Variants in PLD5 observed in about 807,000 individuals in gnomAD.
The protein encoded by PLD5 is inactive phospholipase D5.
A neutral mutation model predicts 61.1 loss-of-function variants in PLD5; 36 were observed. That is an observed-to-expected ratio of 0.59 (90% CI 0.45 to 0.78). The LOEUF (loss-of-function observed/expected upper bound fraction) is 0.78. Among genes scored for constraint, PLD5 ranks in the 30% least tolerant of loss-of-function variants. The pLI is 0.00. For synonymous variants in PLD5, 243 were observed against 242.8 expected, an observed-to-expected ratio of 1.00 and a Z score of -0.01; for missense variants, 515 against 644.4, an observed-to-expected ratio of 0.80 and a Z score of 2.17.
chr1:242,473,014 A>G (rs1012833159), intron 1 of PLD5, among the ~76,000 whole-genome samples: 2 of 152,210 alleles, frequency 1.3e-5, no homozygotes, highest in African/African-American at 2.4e-5. Flanking sequence ...AAAAGGACAC[A>G]TAAAAACAGA....
At chr1:242,200,448 C>T (rs762394033) in intron 5 of PLD5, among the ~76,000 whole-genome samples, 2 of 152,126 alleles carry the variant, frequency 1.3e-5, no homozygotes, top group Admixed American at 1.3e-4. Context: ...AGCTTTGAGA[C>T]GTCTTGGATG....
intron 8 of PLD5, among the ~76,000 whole-genome samples, chr1:242,103,188 A>C (rs1230507207): frequency 1.3e-5 from 2 of 152,134 alleles, no homozygotes; most frequent in African/African-American, 4.8e-5. Context: ...GGCTCCTCTG[A>C]GTGCGAGTGT....
intron 3 of PLD5, among the ~76,000 whole-genome samples, chr1:242,271,502 T>C (rs1328562681): frequency 6.6e-6 from 1 of 152,082 alleles, no homozygotes; most frequent in Non-Finnish European, 1.5e-5. Context: ...AAAACAATAG[T>C]TACCCATCAA....
chr1:242,451,989 T>C (rs1194175269), intron 1 of PLD5, among the ~76,000 whole-genome samples: 2 of 152,140 alleles, frequency 1.3e-5, no homozygotes, highest in Admixed American at 1.3e-4. Flanking sequence ...GGATGGTTTT[T>C]ATTGTTGTCC....
intron 1 of PLD5, among the ~76,000 whole-genome samples, chr1:242,453,036 G>A (rs890627640): frequency 3.9e-5 from 6 of 152,308 alleles, no homozygotes; most frequent in East Asian, 3.9e-4. Context: ...CAAATTTCAC[G>A]ATTGTCAGAA....
intron 2 of PLD5, among the ~76,000 whole-genome samples, chr1:242,335,389 G>A (rs1207021843): frequency 1.3e-5 from 2 of 152,114 alleles, no homozygotes; most frequent in Non-Finnish European, 2.9e-5. Context: ...TCCAAAAACT[G>A]GTCATCTGTC....
intron 9 of PLD5, among the ~76,000 whole-genome samples, chr1:242,094,162 G>GAAT: frequency 6.6e-6 from 1 of 151,616 alleles, no homozygotes; most frequent in East Asian, 1.9e-4. Flanking sequence ...TTCCAAAAAT[G>GAAT]CATGCTGAGG....
Position 242,088,456 on chromosome 1 carries a change from T to A in PLD5, c.*1398A>T, listed in dbSNP as rs1410646691. The A allele has an allele frequency of 2.0e-5, 3 of 152,240 alleles. No homozygotes were observed. Among genetic ancestry groups the A allele is most frequent in the African/African-American group, 7.2e-5 (3 of 41,470 alleles). The allele number at this position is 152,240 out of a possible 1,614,324, so 9.4% of individuals were successfully genotyped here. A position where few individuals can be genotyped will look rare whatever the true frequency, so the allele number is the denominator to read the frequency against. On this transcript the variant is annotated 3_prime_UTR_variant, in exon 10 of 10. Transcript: ENST00000536534. The stretch of plus-strand genomic sequence containing the variant: ...TATATATTATAATGCTTAGCATTTA[T>A]ATAGGTTCTTTTGATTTCAAAACAA...
intron 1 of PLD5, among the ~76,000 whole-genome samples, chr1:242,479,231 T>C (rs1389167928): frequency 6.6e-6 from 1 of 152,180 alleles, no homozygotes; most frequent in African/African-American, 2.4e-5. Flanking sequence ...TGACTAGGTA[T>C]AGAGAGGTAA....
chr1:242,238,154 G>C (rs536750477), intron 4 of PLD5, among the ~76,000 whole-genome samples: 2 of 152,282 alleles, frequency 1.3e-5, no homozygotes, highest in Non-Finnish European at 2.9e-5. Context: ...CAGAGAAGAG[G>C]GTGGTGAAGA....
chr1:242,273,400 C>T (rs528407122), intron 3 of PLD5, among the ~76,000 whole-genome samples: 90 of 152,124 alleles, frequency 5.9e-4, no homozygotes, highest in African/African-American at 1.8e-3. Context: ...AATAAAAAGA[C>T]GCTATTTTAA....
intron 7 of PLD5, among the ~76,000 whole-genome samples, chr1:242,111,957 T>A (rs1471074131): frequency 1.3e-5 from 2 of 152,202 alleles, no homozygotes; most frequent in Non-Finnish European, 2.9e-5. Context: ...ATATTTTAGA[T>A]CCTCCGTGCT....
rs141652180 is a variant in PLD5, at chr1:242,448,732, C to G, written c.189+75356G>C. ...ACGTTTACGTTAAGGATCACCTCAT[C>G]CTGGCAATGTTTGCTTTACTGGATT... On this transcript the variant is annotated intron_variant, in intron 1 of 9. Coordinates refer to ENST00000536534, the MANE Select transcript of PLD5 (RefSeq NM_001372062.1). Among the ~76,000 whole-genome samples the G allele has an allele frequency of 2.4e-4, 37 of 152,294 alleles. No homozygotes were observed. In the East Asian group the frequency reaches 6.8e-3, roughly 28 times the overall value.
At chr1:242,398,475 C>T (rs1368809636) in intron 1 of PLD5, among the ~76,000 whole-genome samples, 1 of 152,190 alleles carries the variant, frequency 6.6e-6, no homozygotes, top group African/African-American at 2.4e-5. Flanking sequence ...TATCCTCTTC[C>T]ACAAAACCTT....
chr1:242,430,187 A>G (rs1281200961), intron 1 of PLD5, among the ~76,000 whole-genome samples: 1 of 152,206 alleles, frequency 6.6e-6, no homozygotes, highest in Non-Finnish European at 1.5e-5. Context: ...TTGGGTTGTC[A>G]TAACAAAGTA....
intron 1 of PLD5, among the ~76,000 whole-genome samples, chr1:242,441,480 A>G (rs1666272014): frequency 6.6e-6 from 1 of 152,162 alleles, no homozygotes; most frequent in Non-Finnish European, 1.5e-5. Context: ...TAGTCATAAA[A>G]AAACTTTAAA....
intron 2 of PLD5, among the ~76,000 whole-genome samples, chr1:242,344,888 C>T (rs1434425815): frequency 6.6e-6 from 1 of 152,118 alleles, no homozygotes; most frequent in Non-Finnish European, 1.5e-5. Flanking sequence ...TTCCACAGGG[C>T]TGAGGAGGCC....
chr1:242,291,125 A>G (rs1447837469), intron 2 of PLD5, among the ~76,000 whole-genome samples: 1 of 151,924 alleles, frequency 6.6e-6, no homozygotes, highest in African/African-American at 2.4e-5. Flanking sequence ...TGACTTTTGC[A>G]TTTCACATGC....
At chr1:242,107,945 C>T in intron 7 of PLD5, 106 bp from the exon 8 acceptor site, 3 of 1,107,390 alleles carry the variant, frequency 2.7e-6, no homozygotes, top group Admixed American at 2.8e-5. Context: ...TTACTTTATC[C>T]TGTAATATAT....
Sources: gnomAD v4.1 joint callset for allele counts (sites outside exome capture counted in the v4.1 genomes callset) on GRCh38, gnomAD v4.1.1 for gene constraint, MANE v1.5 for transcripts, NCBI Gene and HGNC (gene_info 2026-07-23, HGNC 2026-07-21) for gene names.